Variants in ASB10 observed in about 807,000 individuals in gnomAD.
ASB10 encodes ankyrin repeat and SOCS box protein 10.
Under a neutral mutation model 35.4 loss-of-function variants are expected in ASB10, and 44 were observed. The ratio of observed to expected loss-of-function variants is 1.24; its 90% CI spans 0.98 to 1.60. ASB10 has a LOEUF of 1.60. ASB10 is among the 40% of genes most tolerant of loss of function. ASB10 has a pLI of 0.00. For missense variants in ASB10, 647 were observed against 634.3 expected, an observed-to-expected ratio of 1.02 and a Z score of -0.22; for synonymous variants, 294 against 280.4, an observed-to-expected ratio of 1.05 and a Z score of -0.49.
In ASB10 at chr7:151,187,035, G is replaced by A. The variant is rs751445482; in HGVS notation, c.96C>T (p.Ser32=). ...PLCARLVEKP[S]RGSEEHLKSG... The stretch of plus-strand genomic sequence containing the variant: ...ACTTGAGGTGCTCCTCAGACCCTCT[G>A]CTGGGCTTCTCCACCAGCCTGGCAC... The change falls in exon 1 of 6, where the codon AGC becomes AGT. Residue 32 remains serine, a synonymous_variant. Coordinates refer to ENST00000420175, the MANE Select transcript of ASB10 (RefSeq NM_001142459.2). The surrounding 1 kb of genome is among the most constrained non-coding windows in gnomAD (Gnocchi z 5.3). The A allele has an allele frequency of 1.7e-5, 28 of 1,610,608 alleles. 1 individual carries two copies. In the East Asian group the frequency reaches 6.0e-4, roughly 35 times the overall value.
intron 4 of ASB10, 124 bp downstream of exon 4, chr7:151,176,439 G>A: frequency 1.4e-6 from 2 of 1,460,446 alleles, no homozygotes; most frequent in South Asian, 2.9e-5. Context: ...TGTTCACTCT[G>A]CAAGTTCTCT....
upstream of ASB10, chr7:151,187,485 C>A: frequency 6.4e-7 from 1 of 1,551,326 alleles, no homozygotes; most frequent in Non-Finnish European, 8.7e-7. The surrounding 1 kb of genome is among the most constrained non-coding windows in gnomAD (Gnocchi z 5.3). Flanking sequence ...GGCTCTGCGG[C>A]CCGGCTCTCC....
Position 151,181,426 on chromosome 7 carries a change from C to G in ASB10, c.617G>C (p.Arg206Thr). 1 of 1,606,276 alleles carries G rather than the reference C, an allele frequency of 6.2e-7. No individual in the cohort carries two copies. The highest frequency in any genetic ancestry group is 1.7e-4 in the Middle Eastern group (1 of 6,036). The part of the protein sequence containing the change: ...CAELLLRFGA[R>T]VDGRSEEEEE... ...TTCTTCCTCGGACCGACCATCCACT[C>G]TCGCTCCAAACCTGAGGAGCAGCTC... The change falls in exon 3 of 6, where the codon AGA becomes ACA. Residue 206 changes from arginine to threonine, a missense_variant. By Grantham distance (71) the Arg-to-Thr change is moderately conservative. Transcript: ENST00000420175.
chr7:151,182,781 C>T lies in ASB10; in HGVS notation c.585-1323G>A, dbSNP rs1584815926. On this transcript the variant is annotated intron_variant, in intron 2 of 5. Transcript: ENST00000420175. ...CCTTCCGAGGTGGTTGTGAGCAGCA[C>T]GTGAGACGACCCCCAAAAACCTGTC... is the stretch of plus-strand genomic sequence containing the variant. 2.0e-5 allele frequency among the ~76,000 whole-genome samples: 3 copies of T among 152,166 alleles called. No homozygotes were observed. The South Asian group carries it at 6.2e-4, about 32-fold the overall frequency.
At position 151,186,559 on chromosome 7, in the gene ASB10, T is replaced by A. The variant is rs1250882837; in HGVS notation, c.417A>T (p.Arg139=). 1.2e-6 allele frequency: 2 copies of A among 1,604,774 alleles called. No individual in the cohort carries two copies. The highest frequency in any genetic ancestry group is 2.2e-5 in the South Asian group (2 of 89,602). The part of the protein sequence containing the change: ...TEVLRLLLRR[R]ARPDSAPGGR... ...CCCCAGGGGCACTGTCTGGCCTTGC[T>A]CGCCGCCTCAGCAGCAGCCGCAGGA... is the stretch of plus-strand genomic sequence containing the variant. Residue 139 remains arginine, a synonymous_variant, in exon 2 of 6, where the codon CGA becomes CGT. Coordinates refer to ENST00000420175, the MANE Select transcript of ASB10 (RefSeq NM_001142459.2).
intron 2 of ASB10, 53 bp from the exon 3 acceptor site, chr7:151,181,511 G>T: frequency 6.6e-7 from 1 of 1,518,268 alleles, no homozygotes; most frequent in South Asian, 1.3e-5. Context: ...CCCCTGGCAG[G>T]AACACACTTG....
In ASB10 at chr7:151,182,789, G is replaced by A. The variant is rs553877465; in HGVS notation, c.585-1331C>T. On this transcript the variant is annotated intron_variant, in intron 2 of 5. Transcript: ENST00000420175. ...GGTGGTTGTGAGCAGCACGTGAGAC[G>A]ACCCCCAAAAACCTGTCATCGTAAG... 4.6e-5 allele frequency among the ~76,000 whole-genome samples: 7 copies of A among 152,164 alleles called. No homozygotes were observed. In the Middle Eastern group the frequency reaches 0.014, roughly 296 times the overall value.
intron 2 of ASB10, among the ~76,000 whole-genome samples, chr7:151,181,670 T>C (rs1284443451): frequency 6.6e-6 from 1 of 150,488 alleles, no homozygotes; most frequent in Non-Finnish European, 1.5e-5. Flanking sequence ...GGAAGTGCAG[T>C]GGTACAATCT....
At chr7:151,183,131 G>T (rs1053748069) in intron 2 of ASB10, among the ~76,000 whole-genome samples, 1 of 152,134 alleles carries the variant, frequency 6.6e-6, no homozygotes, top group Non-Finnish European at 1.5e-5. Context: ...TGTGTTATAT[G>T]CTTGCCTTTT....
intron 4 of ASB10, 99 bp from the exon 5 acceptor site, chr7:151,176,396 G>C: frequency 6.8e-7 from 1 of 1,472,526 alleles, no homozygotes; most frequent in South Asian, 1.4e-5. Context: ...GCATCTACCG[G>C]AAGGAACCTA....
rs565667464 is a variant in ASB10, at chr7:151,185,356, C to T, written c.584+1036G>A. 2.5e-4 allele frequency among the ~76,000 whole-genome samples: 38 copies of T among 152,180 alleles called. 1 individual carries two copies. Among genetic ancestry groups the T allele is most frequent in the African/African-American group, 9.1e-4 (38 of 41,536 alleles). On this transcript the variant is annotated intron_variant, in intron 2 of 5. Transcript: ENST00000420175. ...CTGGTCTCGAACTCCTGGCCTCAAG[C>T]AAGCCACCTGCCTCAGCCTCCCAAA...
rs1275843874 is a variant in ASB10 at position 151,185,126 on chromosome 7, T to G, written c.584+1266A>C. 7.2e-4 allele frequency among the ~76,000 whole-genome samples: 108 copies of G among 150,148 alleles called. 1 individual carries two copies. Among genetic ancestry groups the G allele is most frequent in the Middle Eastern group, 3.4e-3 (1 of 290 alleles). On this transcript the variant is annotated intron_variant, in intron 2 of 5. Coordinates refer to ENST00000420175, the MANE Select transcript of ASB10 (RefSeq NM_001142459.2). ...TACATATTTGTCTTTTTTTTTTTTT[T>G]TTTGTGAGACAAAGTCTCACTTTGT...
Position 151,187,166 on chromosome 7 carries a change from T to G in ASB10, c.-36A>C. 6.4e-7 allele frequency: 1 copy of G among 1,555,216 alleles called. No individual in the cohort carries two copies. The highest frequency in any genetic ancestry group is 1.4e-5 in the African/African-American group (1 of 72,670). ...AAAGGGGAGTGGGGAGGAGGAGAGG[T>G]ATATGCCAAAGGCAGAGAGAGAGAG... On this transcript the variant is annotated 5_prime_UTR_variant, in exon 1 of 6. Coordinates refer to ENST00000420175, the MANE Select transcript of ASB10 (RefSeq NM_001142459.2). This position sits in a 1 kb window ranked among gnomAD's most constrained non-coding sequence, Gnocchi z 5.3.
chr7:151,178,680 G>A (rs1010588327), intron 3 of ASB10, among the ~76,000 whole-genome samples: 6 of 152,202 alleles, frequency 3.9e-5, no homozygotes, highest in South Asian at 2.1e-4. Context: ...TCTGTCAGAC[G>A]AGAGTACCAA....
Position 151,186,589 on chromosome 7 carries a change from C to T in ASB10, c.387G>A (p.Thr129=), listed in dbSNP as rs568492148. The T allele has an allele frequency of 9.3e-6, 15 of 1,609,394 alleles. No individual in the cohort carries two copies. Among genetic ancestry groups the T allele is most frequent in the African/African-American group, 2.7e-5 (2 of 75,020 alleles). Residue 129 remains threonine, a synonymous_variant, in exon 2 of 6, where the codon ACG becomes ACA. Transcript: ENST00000420175. ...PLHVAASRGH[T]EVLRLLLRRR... is the part of the protein sequence containing the mutation. The stretch of plus-strand genomic sequence containing the variant: ...GCCTCAGCAGCAGCCGCAGGACTTC[C>T]GTGTGGCCACGGCTGGCTGCCACAT...
chr7:151,177,281 T>C (rs1379121437), intron 3 of ASB10, among the ~76,000 whole-genome samples: 1 of 152,282 alleles, frequency 6.6e-6, no homozygotes, highest in Non-Finnish European at 1.5e-5. Flanking sequence ...TTCACTGTTG[T>C]CCCTGCAAGG....
Position 151,186,952 on chromosome 7 carries a change from T to G in ASB10, c.179A>C (p.Gln60Pro). ...TASGPALAFW[Q>P]AVLAGDVGCV... ...GCCCACGTCCCCAGCCAGCACTGCC[T>G]GCCAGAAGGCAAGGGCAGGTCCTGA... The change falls in exon 1 of 6, where the codon CAG (glutamine) becomes CCG (proline). Residue 60 changes from glutamine to proline, a missense_variant. Coordinates refer to ENST00000420175, the MANE Select transcript of ASB10 (RefSeq NM_001142459.2). 6.2e-7 allele frequency: 1 copy of G among 1,613,806 alleles called. No homozygotes were observed.
intron 3 of ASB10, 93 bp from the exon 4 acceptor site, chr7:151,176,769 CA>C: frequency 1.1e-6 from 1 of 891,776 alleles, no homozygotes; most frequent in Non-Finnish European, 1.8e-6. Flanking sequence ...CTTTGTTCCC[CA>C]AAAGATATAT....
At position 151,186,560 on chromosome 7, in the gene ASB10, C is replaced by G; in HGVS notation, c.416G>C (p.Arg139Pro). The G allele has an allele frequency of 1.1e-5, 18 of 1,604,474 alleles. No individual in the cohort carries two copies. Among genetic ancestry groups the G allele is most frequent in the Non-Finnish European group, 1.4e-5 (17 of 1,176,348 alleles). ...CCCAGGGGCACTGTCTGGCCTTGCT[C>G]GCCGCCTCAGCAGCAGCCGCAGGAC... ...TEVLRLLLRR[R>P]ARPDSAPGGR... The change falls in exon 2 of 6, where the codon CGA becomes CCA. Residue 139 changes from arginine to proline, a missense_variant. Arg to Pro is a moderately radical substitution (Grantham distance 103). Coordinates refer to ENST00000420175, the MANE Select transcript of ASB10 (RefSeq NM_001142459.2).
Sources: gnomAD v4.1 joint callset for allele counts (sites outside exome capture counted in the v4.1 genomes callset) on GRCh38, gnomAD v4.1.1 for gene constraint, Gnocchi (gnomAD v3.1) non-coding constraint, MANE v1.5 for transcripts, NCBI Gene and HGNC (gene_info 2026-07-23, HGNC 2026-07-21) for gene names.